The following RPRD2 variants were observed in gnomAD, a reference collection of about 807,000 sequenced individuals.
RPRD2 encodes regulation of nuclear pre-mRNA domain-containing protein 2.
Under a neutral mutation model 104.4 loss-of-function variants are expected in RPRD2, and 12 were observed. The ratio of observed to expected loss-of-function variants is 0.11; its 90% CI spans 0.07 to 0.19. RPRD2 has a LOEUF of 0.19. Among genes scored for constraint, RPRD2 ranks in the 10% least tolerant of loss-of-function variants. The probability of loss-of-function intolerance (pLI) is 1.00; values close to 1 mark genes in which losing one functional copy is unlikely to be tolerated. For missense variants in RPRD2, 1,543 were observed against 1,790.1 expected (o/e 0.86, Z 2.49); for synonymous variants, 714 against 684.9 (o/e 1.04, Z -0.66).
At chr1:150,466,155 G>A (rs1458193486) in intron 10 of RPRD2, among the ~76,000 whole-genome samples, 4 of 151,854 alleles carry the variant, frequency 2.6e-5, no homozygotes, top group Admixed American at 2.6e-4. Flanking sequence ...GAGGCAGGCG[G>A]ATCATGAGTT....
rs1661847051 is a variant in RPRD2, at chr1:150,388,885, T to A, written c.205+23966T>A. ...CCCTCAAAGTGCTAGGATACAGGCG[T>A]GAGCCACTGCACTTGGCCTAATATG... On this transcript the variant is annotated intron_variant, in intron 1 of 10. Coordinates refer to ENST00000369068, the MANE Select transcript of RPRD2 (RefSeq NM_015203.5). Among the ~76,000 whole-genome samples the A allele has an allele frequency of 2.6e-5, 4 of 152,090 alleles. No homozygotes were observed. In the South Asian group the frequency reaches 8.3e-4, roughly 32 times the overall value.
chr1:150,459,465 A>G (rs1553898298), intron 8 of RPRD2, among the ~76,000 whole-genome samples: 1 of 152,238 alleles, frequency 6.6e-6, no homozygotes, highest in African/African-American at 2.4e-5. Context: ...TTTCCAAAAG[A>G]CAGAACACAA....
chr1:150,364,761 C>T lies in RPRD2; in HGVS notation c.47C>T (p.Ser16Leu). The T allele has an allele frequency of 1.2e-6, 2 of 1,604,668 alleles. No homozygotes were observed. The highest frequency in any genetic ancestry group is 1.7e-6 in the Non-Finnish European group (2 of 1,175,450). The change falls in exon 1 of 11, where the codon TCG becomes TTG. Residue 16 changes from serine (S) to leucine (L), a missense_variant. By Grantham distance (145) the Ser-to-Leu change is moderately radical. Coordinates refer to ENST00000369068, the MANE Select transcript of RPRD2 (RefSeq NM_015203.5). ...GGGSSKASSS[S>L]ASSAGALESS... ...GGCAGCAGTAAGGCCTCCTCCTCGT[C>T]GGCCTCTTCGGCAGGGGCTCTGGAG...
At chr1:150,455,736 G>C (rs1188839256) in intron 7 of RPRD2, among the ~76,000 whole-genome samples, 1 of 151,926 alleles carries the variant, frequency 6.6e-6, no homozygotes, top group African/African-American at 2.4e-5. Flanking sequence ...TAAGATGTTA[G>C]TAATAGGAAA....
chr1:150,384,346 A>G (rs1455501877), intron 1 of RPRD2, among the ~76,000 whole-genome samples: 3 of 151,988 alleles, frequency 2.0e-5, no homozygotes, highest in Non-Finnish European at 4.4e-5. Context: ...CATCCGATAT[A>G]TAAGCAAAAG....
At chr1:150,445,132 C>T (rs782456239) in intron 6 of RPRD2, among the ~76,000 whole-genome samples, 10 of 152,166 alleles carry the variant, frequency 6.6e-5, no homozygotes, top group Non-Finnish European at 1.5e-4. Flanking sequence ...AGTGAACTCT[C>T]ATCATGTCAC....
intron 4 of RPRD2, among the ~76,000 whole-genome samples, chr1:150,442,648 A>G (rs1560206492): frequency 1.3e-5 from 2 of 152,228 alleles, no homozygotes; most frequent in Non-Finnish European, 2.9e-5. Context: ...ATCCATCATG[A>G]TTAAGGGAGT....
chr1:150,371,887 T>G (rs1284859639), intron 1 of RPRD2, among the ~76,000 whole-genome samples: 2 of 151,978 alleles, frequency 1.3e-5, no homozygotes, highest in African/African-American at 4.8e-5. Context: ...AACTAGACTA[T>G]CAAGATTTTA....
chr1:150,457,887 A>G (rs1312136429), intron 8 of RPRD2, among the ~76,000 whole-genome samples: 3 of 152,120 alleles, frequency 2.0e-5, no homozygotes, highest in African/African-American at 7.2e-5. Flanking sequence ...CCTAGCCAAC[A>G]TGGTGTAACC....
chr1:150,430,756 C>CGTTT (rs1665504226), intron 2 of RPRD2, among the ~76,000 whole-genome samples: 2 of 152,008 alleles, frequency 1.3e-5, no homozygotes, highest in African/African-American at 2.4e-5. Context: ...ATGGAGAAAC[C>CGTTT]CCGTCTCTAC....
rs587731024 is a variant in RPRD2, at chr1:150,439,191, C to T, written c.336-1732C>T. Among the ~76,000 whole-genome samples, 37 of 152,296 alleles carry T rather than the reference C, an allele frequency of 2.4e-4. No individual in the cohort carries two copies. The South Asian group carries it at 7.4e-3, about 31-fold the overall frequency. On this transcript the variant is annotated intron_variant, in intron 2 of 10. Coordinates refer to ENST00000369068, the MANE Select transcript of RPRD2 (RefSeq NM_015203.5). The stretch of plus-strand genomic sequence containing the variant: ...AAAAGTATAAAGAAAAATCCACTCA[C>T]TTTCACCAAATGGAGATTTACAAGA...
At chr1:150,410,230 G>A (rs1663798110) in intron 1 of RPRD2, among the ~76,000 whole-genome samples, 1 of 152,086 alleles carries the variant, frequency 6.6e-6, no homozygotes, top group African/African-American at 2.4e-5. Flanking sequence ...CTAGGCCATT[G>A]TAAGGACTTT....
At chr1:150,421,966 A>ATGTC (rs1664783558) in intron 2 of RPRD2, among the ~76,000 whole-genome samples, 1 of 152,126 alleles carries the variant, frequency 6.6e-6, no homozygotes, top group Non-Finnish European at 1.5e-5. Flanking sequence ...CCTGGGTGAC[A>ATGTC]GAGCAAGACG....
intron 1 of RPRD2, among the ~76,000 whole-genome samples, chr1:150,405,051 G>T (rs2102233936): frequency 6.6e-6 from 1 of 152,270 alleles, no homozygotes; most frequent in South Asian, 2.1e-4. Context: ...ATTGCTGAGG[G>T]TTGTTTGCAG....
At chr1:150,466,031 A>AAAAG (rs1668247397) in intron 10 of RPRD2, among the ~76,000 whole-genome samples, 1 of 74,462 alleles carries the variant, frequency 1.3e-5, no homozygotes, top group African/African-American at 3.3e-5. Flanking sequence ...AAAAAAAAAA[A>AAAAG]AAATTTTTTT....
chr1:150,431,050 TAATGA>T (rs1665532560), intron 2 of RPRD2, among the ~76,000 whole-genome samples: 1 of 152,188 alleles, frequency 6.6e-6, no homozygotes, highest in African/African-American at 2.4e-5. Flanking sequence ...CTAGTTATTG[TAATGA>T]AATTATAAAA....
intron 2 of RPRD2, among the ~76,000 whole-genome samples, 162 bp downstream of exon 2, chr1:150,417,887 C>CT (rs1553888877): frequency 2.0e-5 from 3 of 151,792 alleles, no homozygotes; most frequent in African/African-American, 7.3e-5. Flanking sequence ...GTTTTTCTTT[C>CT]TTTCTTTTCT....
intron 1 of RPRD2, among the ~76,000 whole-genome samples, chr1:150,409,647 CTTTTTTT>C (rs10684353): frequency 1.7e-5 from 2 of 114,612 alleles, no homozygotes; most frequent in African/African-American, 3.2e-5. Flanking sequence ...TGTTGCAATT[CTTTTTTT>C]TTTTTTTTTT....
chr1:150,412,002 A>T (rs917427139), intron 1 of RPRD2, among the ~76,000 whole-genome samples: 3 of 151,906 alleles, frequency 2.0e-5, no homozygotes, highest in Non-Finnish European at 4.4e-5. Flanking sequence ...AAGCGCCTGT[A>T]ATCCCAGCTG....
Sources: gnomAD v4.1 joint callset for allele counts (sites outside exome capture counted in the v4.1 genomes callset) on GRCh38, gnomAD v4.1.1 for gene constraint, MANE v1.5 for transcripts, NCBI Gene and HGNC (gene_info 2026-07-23, HGNC 2026-07-21) for gene names.